Variants in MAGI3 observed in about 807,000 individuals in gnomAD.
The protein encoded by MAGI3 is membrane associated guanylate kinase, WW and PDZ domain containing 3.
In MAGI3, 43 loss-of-function variants were observed where a neutral mutation model predicts 121.8. The observed-to-expected ratio is 0.35, with a 90% CI of 0.28 to 0.46. The LOEUF is 0.46. MAGI3 is among the 20% of genes least tolerant of loss of function. The pLI is 1.00. For synonymous variants in MAGI3, 553 were observed against 639.3 expected, an observed-to-expected ratio of 0.86 and a Z score of 2.04; for missense variants, 1,547 against 1,797.3, an observed-to-expected ratio of 0.86 and a Z score of 2.52.
At chr1:113,437,109 C>T (rs985407409) in intron 1 of MAGI3, among the ~76,000 whole-genome samples, 5 of 152,034 alleles carry the variant, frequency 3.3e-5, no homozygotes, top group Non-Finnish European at 7.4e-5. Context: ...CCACCGCACC[C>T]GGCCTGGAAA....
chr1:113,444,409 C>CT (rs1338997459), intron 1 of MAGI3, among the ~76,000 whole-genome samples: 3 of 152,072 alleles, frequency 2.0e-5, no homozygotes, highest in African/African-American at 7.2e-5. Context: ...TCATTTTTCT[C>CT]TTTTTGGGAG....
intron 1 of MAGI3, among the ~76,000 whole-genome samples, chr1:113,441,494 T>C (rs1653910249): frequency 6.6e-6 from 1 of 152,200 alleles, no homozygotes; most frequent in Non-Finnish European, 1.5e-5. Context: ...TATTATTGCT[T>C]CTCTAGTTCA....
chr1:113,544,445 T>A (rs1659437335), intron 1 of MAGI3, among the ~76,000 whole-genome samples: 1 of 152,190 alleles, frequency 6.6e-6, no homozygotes, highest in Admixed American at 6.5e-5. Flanking sequence ...AAAACAGATA[T>A]TTGCAAGATT....
At chr1:113,496,351 G>C (rs986883888) in intron 1 of MAGI3, among the ~76,000 whole-genome samples, 1 of 152,140 alleles carries the variant, frequency 6.6e-6, no homozygotes, top group African/African-American at 2.4e-5. Flanking sequence ...TTCTGAATTT[G>C]AGGTTTGAAT....
intron 2 of MAGI3, among the ~76,000 whole-genome samples, chr1:113,563,798 C>T (rs1660332177): frequency 6.6e-6 from 1 of 152,198 alleles, no homozygotes; most frequent in South Asian, 2.1e-4. Context: ...GCGAATTTCA[C>T]TGATACCCCA....
At chr1:113,532,467 T>C (rs1216769228) in intron 1 of MAGI3, among the ~76,000 whole-genome samples, 1 of 152,050 alleles carries the variant, frequency 6.6e-6, no homozygotes, top group African/African-American at 2.4e-5. Context: ...AAGACAAAAG[T>C]GTAAAGACAG....
chr1:113,619,725 G>T lies in MAGI3; in HGVS notation c.1077-11G>T. The T allele has an allele frequency of 2.6e-6, 4 of 1,567,150 alleles. No individual in the cohort carries two copies. The highest frequency in any genetic ancestry group is 3.5e-6 in the Non-Finnish European group (4 of 1,140,656). ...TTTAAACTGAAATGTATATTTTTCTGCATTCTACAGTCACCTTAACCAGAA... is the reference window on the plus strand; with the variant it reads ...TTTAAACTGAAATGTATATTTTTCTTCATTCTACAGTCACCTTAACCAGAA... On this transcript the variant is annotated splice_polypyrimidine_tract_variant and intron_variant, in intron 7 of 20. Transcript: ENST00000307546.
chr1:113,641,055 T>TAATATATATGATATATATAATATATATGA, intron 9 of MAGI3, among the ~76,000 whole-genome samples: 1 of 80,638 alleles, frequency 1.2e-5, no homozygotes, highest in East Asian at 3.0e-4. Flanking sequence ...ATATGATATA[T>TAATATATATGATATATATAATATATATGA]TATATATGAT....
chr1:113,425,573 T>C (rs1652965120), intron 1 of MAGI3, among the ~76,000 whole-genome samples: 1 of 152,082 alleles, frequency 6.6e-6, no homozygotes, highest in Non-Finnish European at 1.5e-5. Context: ...TGTGAGCTAC[T>C]GCACCCAGCC....
At chr1:113,679,814 T>A (rs1195295591) in intron 19 of MAGI3, among the ~76,000 whole-genome samples, 2 of 152,012 alleles carry the variant, frequency 1.3e-5, no homozygotes, top group Non-Finnish European at 2.9e-5. Flanking sequence ...CAAGTAATTC[T>A]CTTGCCTCAG....
intron 1 of MAGI3, among the ~76,000 whole-genome samples, chr1:113,528,829 G>A (rs558018406): frequency 9.8e-5 from 15 of 152,310 alleles, no homozygotes; most frequent in African/African-American, 3.4e-4. Context: ...TAAGCATAAT[G>A]TGAGGTTCAA....
chr1:113,416,331 T>TTATAC (rs1557744636), intron 1 of MAGI3, among the ~76,000 whole-genome samples: 4 of 73,558 alleles, frequency 5.4e-5, no homozygotes, highest in Non-Finnish European at 1.0e-4. Context: ...ATTAATTATA[T>TTATAC]ATCAATCATA....
chr1:113,485,369 T>A (rs1214005590), intron 1 of MAGI3, among the ~76,000 whole-genome samples: 1 of 152,254 alleles, frequency 6.6e-6, no homozygotes, highest in Non-Finnish European at 1.5e-5. Context: ...AATGAAGTGA[T>A]GTCACGTTGT....
At chr1:113,630,256 G>C (rs1439503338) in intron 9 of MAGI3, among the ~76,000 whole-genome samples, 1 of 152,142 alleles carries the variant, frequency 6.6e-6, no homozygotes, top group Non-Finnish European at 1.5e-5. Flanking sequence ...GTGTGTGGGG[G>C]TGTTGCCAGG....
chr1:113,429,925 G>T (rs72687924), intron 1 of MAGI3, among the ~76,000 whole-genome samples: 23,147 of 151,908 alleles, frequency 0.15, 2,794 homozygotes, highest in East Asian at 0.63. Flanking sequence ...CTGGATAGTT[G>T]ACTTGGTTCT....
At chr1:113,513,256 C>T (rs1657708540) in intron 1 of MAGI3, among the ~76,000 whole-genome samples, 1 of 152,100 alleles carries the variant, frequency 6.6e-6, no homozygotes, top group East Asian at 1.9e-4. Context: ...TGACTTTCTT[C>T]ACAGAATTGG....
intron 8 of MAGI3, among the ~76,000 whole-genome samples, chr1:113,620,285 G>A (rs1352265114): frequency 6.6e-6 from 1 of 152,106 alleles, no homozygotes; most frequent in Non-Finnish European, 1.5e-5. Context: ...TGGGATGGTA[G>A]CTATTAGTAA....
At chr1:113,529,387 A>G (rs201507859) in intron 1 of MAGI3, among the ~76,000 whole-genome samples, 3 of 152,184 alleles carry the variant, frequency 2.0e-5, no homozygotes, top group African/African-American at 7.2e-5. Flanking sequence ...TCCTAGTTCA[A>G]AGATGTCCAT....
chr1:113,395,263 G>T (rs976864562), intron 1 of MAGI3, among the ~76,000 whole-genome samples: 1 of 151,548 alleles, frequency 6.6e-6, no homozygotes, highest in African/African-American at 2.4e-5. Flanking sequence ...AGAAAATCTA[G>T]AGACCTAGAG....
Sources: allele counts gnomAD v4.1 joint callset (sites outside exome capture counted in the v4.1 genomes callset), GRCh38; gene constraint gnomAD v4.1.1; transcripts MANE v1.5; gene names NCBI Gene and HGNC (gene_info 2026-07-23, HGNC 2026-07-21).